ATP1B4: variants seen among roughly 807,000 people sequenced by gnomAD.
The protein encoded by ATP1B4 is protein ATP1B4.
Under a neutral mutation model 29.6 loss-of-function variants are expected in ATP1B4, and 32 were observed. The ratio of observed to expected loss-of-function variants is 1.08; its 90% CI spans 0.82 to 1.45. The LOEUF (loss-of-function observed/expected upper bound fraction) is 1.45. Among genes scored for constraint, ATP1B4 ranks in the 40% most tolerant of loss-of-function variants. ATP1B4 has a pLI of 0.00. For synonymous variants in ATP1B4, 127 were observed against 102.1 expected, an observed-to-expected ratio of 1.24 and a Z score of -1.47; for missense variants, 323 against 276.2, an observed-to-expected ratio of 1.17 and a Z score of -1.20.
intron 4 of ATP1B4, among the ~76,000 whole-genome samples, chrX:120,374,404 T>C (rs1489025006): frequency 9.6e-6 from 1 of 104,109 alleles, no homozygotes; most frequent in African/African-American, 3.5e-5. Flanking sequence ...TTCACCTTGT[T>C]TCCTAAGTGA....
At chrX:120,370,505 G>A (rs2058307579) in intron 2 of ATP1B4, among the ~76,000 whole-genome samples, 2 of 112,118 alleles carry the variant, frequency 1.8e-5, no homozygotes, top group Non-Finnish European at 3.8e-5. Flanking sequence ...TTCCATCGGA[G>A]ATGCTGTAAA....
Position 120,379,659 on chromosome X carries a change from A to C in ATP1B4, c.*25A>C. 8.5e-7 allele frequency: 1 copy of C among 1,180,319 alleles called. No individual in the cohort carries two copies. The highest frequency in any genetic ancestry group is 1.1e-6 in the Non-Finnish European group (1 of 880,399). ...AGAACTTCAGGGGGCCATTCTTACC[A>C]GTTCTGTTTCTGTTTTATCTCATGG... is the stretch of plus-strand genomic sequence containing the variant. On this transcript the variant is annotated 3_prime_UTR_variant, in exon 8 of 8. Transcript: ENST00000218008.
At chrX:120,370,463 T>G (rs2058307302) in intron 2 of ATP1B4, among the ~76,000 whole-genome samples, 1 of 112,018 alleles carries the variant, frequency 8.9e-6, no homozygotes, top group African/African-American at 3.2e-5. Context: ...CCCTGTATTC[T>G]TGTTCATGGC....
At position 120,370,733 on chromosome X, in the gene ATP1B4, ACTT is replaced by A. The variant is rs1397322786; in HGVS notation, c.356_358del (p.Phe119del). ...TCTGCAGGCCTGATCTTACTCATTTACTTCTTCTTCTATGCCTCCTTGGCTGCT... is the reference window on the plus strand; with the variant it reads ...TCTGCAGGCCTGATCTTACTCATTTACTTCTTCTATGCCTCCTTGGCTGCT... On this transcript the variant is annotated inframe_deletion, in exon 3 of 8. Transcript: ENST00000218008. The A allele has an allele frequency of 7.4e-6, 9 of 1,209,467 alleles. No homozygotes were observed. The Admixed American group carries it at 1.5e-4, about 21-fold the overall frequency.
intron 1 of ATP1B4, among the ~76,000 whole-genome samples, chrX:120,366,129 C>T (rs1352007100): frequency 9.0e-6 from 1 of 111,702 alleles, no homozygotes; most frequent in Non-Finnish European, 1.9e-5. Context: ...TGAAAGTTTG[C>T]TATCACAGAC....
intron 1 of ATP1B4, among the ~76,000 whole-genome samples, chrX:120,362,565 G>A (rs1197449205): frequency 8.9e-6 from 1 of 111,862 alleles, no homozygotes; most frequent in East Asian, 2.8e-4. Flanking sequence ...AATTCTAATA[G>A]CAAGAAATTT....
intron 2 of ATP1B4, among the ~76,000 whole-genome samples, chrX:120,367,154 T>G (rs2058290301): frequency 8.9e-6 from 1 of 112,215 alleles, no homozygotes; most frequent in Non-Finnish European, 1.9e-5. Context: ...TTTCCTCACA[T>G]GCCAAATGAG....
intron 4 of ATP1B4, 76 bp from the exon 5 acceptor site, chrX:120,375,296 G>A: frequency 4.4e-6 from 4 of 910,941 alleles, no homozygotes; most frequent in Non-Finnish European, 6.2e-6. Flanking sequence ...AACTTGGGAG[G>A]GAGGACTACT....
In ATP1B4 at chrX:120,381,105, G is replaced by C. The variant is rs193043716; in HGVS notation, c.*1471G>C. ...GTAGTGAAGACAAGCAAGTGGAGAA[G>C]TTATACGATATAGTTTAATGAGAGT... On this transcript the variant is annotated 3_prime_UTR_variant, in exon 8 of 8. Coordinates refer to ENST00000218008, the MANE Select transcript of ATP1B4 (RefSeq NM_001142447.3). The C allele has an allele frequency of 1.0e-3, 118 of 112,757 alleles. No homozygotes were observed. The highest frequency in any genetic ancestry group is 3.4e-3 in the African/African-American group (105 of 31,028). The allele number at this position is 112,757 out of a possible 1,213,427, so 9.3% of individuals were successfully genotyped here.
In ATP1B4 at chrX:120,366,799, A is replaced by G; in HGVS notation, c.328+10A>G. The stretch of plus-strand genomic sequence containing the variant: ...ACAGGTCAGAGTTGGAGTAAGTCCC[A>G]ATAGTCCCAATGCCAAAGTCTGGTG... On this transcript the variant is annotated intron_variant, in intron 2 of 7. Transcript: ENST00000218008. The G allele has an allele frequency of 6.7e-6, 8 of 1,201,428 alleles. No individual in the cohort carries two copies. Among genetic ancestry groups the G allele is most frequent in the Non-Finnish European group, 7.9e-6 (7 of 887,942 alleles).
intron 2 of ATP1B4, among the ~76,000 whole-genome samples, chrX:120,367,487 C>T (rs1396996422): frequency 9.0e-6 from 1 of 111,687 alleles, no homozygotes; most frequent in Admixed American, 9.6e-5. Flanking sequence ...ACAACTTCAC[C>T]AGCACTCACC....
rs1456401536 is a variant in ATP1B4 at position 120,371,128 on chromosome X, C to G, written c.480C>G (p.Ala160=). Residue 160 remains alanine, a synonymous_variant, in exon 4 of 8, where the codon GCC becomes GCG. Coordinates refer to ENST00000218008, the MANE Select transcript of ATP1B4 (RefSeq NM_001142447.3). ...CAGGAGTTATGATCAGACCCTTCGCCCATAGCCTTAACTTCAACTTCAACG... is the reference window on the plus strand; with the variant it reads ...CAGGAGTTATGATCAGACCCTTCGCGCATAGCCTTAACTTCAACTTCAACG... ...KPPGVMIRPF[A]HSLNFNFNVS... The G allele has an allele frequency of 2.5e-6, 3 of 1,210,761 alleles. No homozygotes were observed.
chrX:120,382,265 G>GAT lies in ATP1B4; in HGVS notation c.*2635_*2636dup, dbSNP rs1350383362. 1.8e-5 allele frequency: 2 copies of GAT among 111,510 alleles called. No individual in the cohort carries two copies. Among genetic ancestry groups the GAT allele is most frequent in the Non-Finnish European group, 3.8e-5 (2 of 53,084 alleles). 9.2% of individuals were successfully genotyped at this position (111,510 alleles called of 1,213,427 possible). ...CAACCACTACTAACAAGTTCTAGAA[G>GAT]ATATAGGATCTTCTATAGTAGGTTA... On this transcript the variant is annotated 3_prime_UTR_variant, in exon 8 of 8. Coordinates refer to ENST00000218008, the MANE Select transcript of ATP1B4 (RefSeq NM_001142447.3).
At chrX:120,374,182 T>G (rs1374814339) in intron 4 of ATP1B4, among the ~76,000 whole-genome samples, 2 of 110,746 alleles carry the variant, frequency 1.8e-5, no homozygotes, top group African/African-American at 6.6e-5. Flanking sequence ...ACTATTTCTC[T>G]ATTGCAATCA....
rs41312618 is a variant in ATP1B4 at position 120,381,823 on chromosome X, G to C, written c.*2189G>C. 0.34 allele frequency: 37,489 copies of C among 111,060 alleles called. 5,792 individuals carry two copies. The highest frequency in any genetic ancestry group is 0.48 in the Non-Finnish European group (25,328 of 52,800). 9.2% of individuals were successfully genotyped at this position (111,060 alleles called of 1,213,427 possible). On this transcript the variant is annotated 3_prime_UTR_variant, in exon 8 of 8. Transcript: ENST00000218008. Reference sequence around the variant, plus strand: ...GAGAAGGACAAGACTGTGGAATGGGGAATAAGGAAGGAGGAGTTTGGAGAA... The same window carrying C: ...GAGAAGGACAAGACTGTGGAATGGGCAATAAGGAAGGAGGAGTTTGGAGAA...
chrX:120,379,882 C>G lies in ATP1B4; in HGVS notation c.*248C>G. On this transcript the variant is annotated 3_prime_UTR_variant, in exon 8 of 8. Coordinates refer to ENST00000218008, the MANE Select transcript of ATP1B4 (RefSeq NM_001142447.3). ...CCTTTCCCTCCACTTAAAACTAAAG[C>G]CTGTTCTTGCTGCTGGTAATCTCCC... 3.6e-6 allele frequency: 1 copy of G among 278,287 alleles called. No individual in the cohort carries two copies. The highest frequency in any genetic ancestry group is 1.4e-4 in the South Asian group (1 of 7,190). 22.9% of individuals were successfully genotyped at this position (278,287 alleles called of 1,213,427 possible). A position where few individuals can be genotyped will look rare whatever the true frequency, so the allele number is the denominator to read the frequency against.
intron 4 of ATP1B4, among the ~76,000 whole-genome samples, chrX:120,373,639 C>G (rs958988473): frequency 1.8e-5 from 2 of 112,091 alleles, no homozygotes; most frequent in Non-Finnish European, 3.8e-5. Flanking sequence ...AATTTGGTAG[C>G]CCAAAGGGTT....
intron 1 of ATP1B4, among the ~76,000 whole-genome samples, chrX:120,363,728 G>A (rs1350653956): frequency 9.0e-6 from 1 of 111,723 alleles, no homozygotes; most frequent in Non-Finnish European, 1.9e-5. Context: ...AGGGAAACCT[G>A]ATGACCCCAT....
chrX:120,362,134 C>T lies in ATP1B4; in HGVS notation c.-35C>T, dbSNP rs748128368. 8.5e-7 allele frequency: 1 copy of T among 1,182,828 alleles called. No individual in the cohort carries two copies. Among genetic ancestry groups the T allele is most frequent in the South Asian group, 1.8e-5 (1 of 56,290 alleles). On this transcript the variant is annotated 5_prime_UTR_variant, in exon 1 of 8. Coordinates refer to ENST00000218008, the MANE Select transcript of ATP1B4 (RefSeq NM_001142447.3). The stretch of plus-strand genomic sequence containing the variant: ...AAGCTCCAGAACTCTCACCCGATTG[C>T]CTGCCTCTGCTGCGTCTTTGCCCAC...
Sources: allele counts gnomAD v4.1 joint callset (sites outside exome capture counted in the v4.1 genomes callset), GRCh38; gene constraint gnomAD v4.1.1; transcripts MANE v1.5; gene names NCBI Gene and HGNC (gene_info 2026-07-23, HGNC 2026-07-21).